Variants in PRCP observed in about 807,000 individuals in gnomAD.
PRCP encodes the protein lysosomal Pro-X carboxypeptidase.
A neutral mutation model predicts 54.2 loss-of-function variants in PRCP; 46 were observed. The ratio of observed to expected loss-of-function variants is 0.85; its 90% CI spans 0.67 to 1.09. PRCP has a LOEUF of 1.09. Among genes scored for constraint, PRCP ranks in the 50% least tolerant of loss-of-function variants. The pLI, the probability that PRCP is intolerant of heterozygous loss-of-function variation, is 0.00. For synonymous variants in PRCP, 240 were observed against 212.2 expected, an observed-to-expected ratio of 1.13 and a Z score of -1.14; for missense variants, 613 against 596.8, an observed-to-expected ratio of 1.03 and a Z score of -0.28.
Position 82,850,395 on chromosome 11 carries a change from A to G in PRCP, c.522T>C (p.Ile174=), listed in dbSNP as rs1189552640. Residue 174 remains isoleucine (I), a synonymous_variant, in exon 4 of 9, where the codon ATT becomes ATC. Coordinates refer to ENST00000313010, the MANE Select transcript of PRCP (RefSeq NM_005040.4). ...TIPGAENQPV[I]AIGGSYGGML... ...TGCCACCATAGGAGCCTCCTATGGC[A>G]ATGACAGGTTGATTTTCAGCTCCTG... 1 of 1,605,300 alleles carries G rather than the reference A, an allele frequency of 6.2e-7. No individual in the cohort carries two copies. Among genetic ancestry groups the G allele is most frequent in the Non-Finnish European group, 8.5e-7 (1 of 1,175,266 alleles).
chr11:82,872,224 C>T (rs1361000208), intron 1 of PRCP, among the ~76,000 whole-genome samples: 4 of 152,124 alleles, frequency 2.6e-5, no homozygotes, highest in African/African-American at 9.7e-5. Context: ...GGTCTTGAAA[C>T]GTATCCCCCG....
intron 1 of PRCP, among the ~76,000 whole-genome samples, chr11:82,873,721 T>A (rs1230358258): frequency 6.6e-6 from 1 of 152,198 alleles, no homozygotes; most frequent in East Asian, 1.9e-4. Context: ...CCATGGAGAA[T>A]CTTCTGTGAA....
intron 1 of PRCP, among the ~76,000 whole-genome samples, chr11:82,870,373 AGT>A (rs1394378310): frequency 6.6e-6 from 1 of 152,224 alleles, no homozygotes; most frequent in Non-Finnish European, 1.5e-5. Flanking sequence ...ACTCTAGGTA[AGT>A]GAGGGATATG....
At chr11:82,861,166 G>A (rs1398773731) in intron 1 of PRCP, among the ~76,000 whole-genome samples, 1 of 152,010 alleles carries the variant, frequency 6.6e-6, no homozygotes, top group Non-Finnish European at 1.5e-5. Context: ...TCTGAAATTG[G>A]GAATTAAAAA....
intron 1 of PRCP, among the ~76,000 whole-genome samples, chr11:82,861,406 T>C (rs1183614536): frequency 6.6e-6 from 1 of 152,168 alleles, no homozygotes; most frequent in African/African-American, 2.4e-5. Context: ...ATTCATATAG[T>C]ATCAAAGTAA....
chr11:82,901,050 G>A, upstream of PRCP: 1 of 378,756 alleles, frequency 2.6e-6, no homozygotes, highest in South Asian at 1.9e-5. Flanking sequence ...ACTTGCACTA[G>A]ATCACTCAGC....
intron 1 of PRCP, among the ~76,000 whole-genome samples, chr11:82,874,520 G>A (rs373644741): frequency 4.6e-5 from 7 of 151,746 alleles, no homozygotes; most frequent in African/African-American, 7.3e-5. Context: ...GCAAAACCCC[G>A]TCTCTTCAAA....
chr11:82,900,857 C>A, upstream of PRCP: 1 of 458,962 alleles, frequency 2.2e-6, no homozygotes, highest in Admixed American at 2.3e-5. Context: ...GCAAATCCTA[C>A]GTAACGGCAA....
chr11:82,859,181 A>G (rs1591054585), intron 2 of PRCP, among the ~76,000 whole-genome samples: 1 of 152,208 alleles, frequency 6.6e-6, no homozygotes, highest in Non-Finnish European at 1.5e-5. Context: ...TTCCTTTCAC[A>G]TATCTTTCCA....
rs754415170 is a variant in PRCP, at chr11:82,839,379, A to G, written c.968T>C (p.Leu323Pro). 2.5e-6 allele frequency: 4 copies of G among 1,613,750 alleles called. No individual in the cohort carries two copies. The South Asian group carries it at 3.3e-5, about 13-fold the overall frequency. ...LKNPNVSDSL[L>P]LQNIFQALNV... ...CAGAGCTTGGAAAATATTCTGCAGC[A>G]GCAGTGAATCAGATACATTGGGATT... Residue 323 changes from leucine (L) to proline (P), a missense_variant, in exon 7 of 9, where the codon CTG becomes CCG. Physicochemically the swap from Leu to Pro is moderately conservative, Grantham distance 98. Transcript: ENST00000313010.
At chr11:82,898,498 C>T (rs1860169546) in intron 1 of PRCP, among the ~76,000 whole-genome samples, 1 of 152,172 alleles carries the variant, frequency 6.6e-6, no homozygotes, top group Non-Finnish European at 1.5e-5. Flanking sequence ...CACCGTTTTA[C>T]TTTAGCAGTT....
intron 1 of PRCP, among the ~76,000 whole-genome samples, chr11:82,882,731 G>T (rs1353700257): frequency 6.8e-6 from 1 of 147,754 alleles, no homozygotes; most frequent in African/African-American, 2.7e-5. Context: ...TCCTGACCTC[G>T]TGATCCGCCC....
intron 8 of PRCP, chr11:82,836,195 G>GAAAAAAAAAA (rs767035852): frequency 1.3e-5 from 1 of 79,468 alleles, no homozygotes. Flanking sequence ...TCCATCTCGA[G>GAAAAAAAAAA]GAAAAAAAAA....
intron 6 of PRCP, among the ~76,000 whole-genome samples, chr11:82,846,922 T>C (rs1858821022): frequency 6.6e-6 from 1 of 152,202 alleles, no homozygotes; most frequent in Admixed American, 6.5e-5. Flanking sequence ...AGATAAGTGG[T>C]TAGCAAAGTA....
intron 2 of PRCP, among the ~76,000 whole-genome samples, chr11:82,854,968 T>C (rs1052366452): frequency 6.6e-5 from 10 of 152,192 alleles, no homozygotes; most frequent in African/African-American, 2.4e-4. Flanking sequence ...TGGCTAGCCA[T>C]ATGCAGAAGA....
chr11:82,867,969 CAG>C (rs1859381549), intron 1 of PRCP, among the ~76,000 whole-genome samples: 1 of 152,170 alleles, frequency 6.6e-6, no homozygotes, highest in African/African-American at 2.4e-5. Flanking sequence ...GGATAAAAAA[CAG>C]ACACAGAGGC....
At chr11:82,878,680 C>T (rs1175798032) in intron 1 of PRCP, among the ~76,000 whole-genome samples, 10 of 152,156 alleles carry the variant, frequency 6.6e-5, no homozygotes, top group South Asian at 2.1e-4. Flanking sequence ...TGGCTAGTAC[C>T]GGTTGTTCCT....
intron 1 of PRCP, among the ~76,000 whole-genome samples, chr11:82,885,301 G>A (rs931472886): frequency 1.2e-4 from 19 of 152,188 alleles, no homozygotes; most frequent in Non-Finnish European, 2.5e-4. Context: ...GGTACATATT[G>A]CAGAAATATA....
In PRCP at chr11:82,824,693, C is replaced by A; in HGVS notation, c.*213G>T. Reference sequence around the variant, plus strand: ...GTGTGGGAGAGCTATCAAGAAGATTCTTCCTAGACGTGGTGCAAAGACAGT... The same window carrying A: ...GTGTGGGAGAGCTATCAAGAAGATTATTCCTAGACGTGGTGCAAAGACAGT... On this transcript the variant is annotated 3_prime_UTR_variant, in exon 9 of 9. Coordinates refer to ENST00000313010, the MANE Select transcript of PRCP (RefSeq NM_005040.4). 1.8e-6 allele frequency: 1 copy of A among 545,024 alleles called. No homozygotes were observed. The highest frequency in any genetic ancestry group is 3.2e-5 in the Admixed American group (1 of 31,636). The allele number at this position is 545,024 out of a possible 1,614,324, so 33.8% of individuals were successfully genotyped here.
Sources: gnomAD v4.1 joint callset for allele counts (sites outside exome capture counted in the v4.1 genomes callset) on GRCh38, gnomAD v4.1.1 for gene constraint, MANE v1.5 for transcripts, NCBI Gene and HGNC (gene_info 2026-07-23, HGNC 2026-07-21) for gene names.